The following TACR3 variants were observed in gnomAD, a reference collection of about 807,000 sequenced individuals.
TACR3 encodes neuromedin-K receptor.
In TACR3, 34 loss-of-function variants were observed where a neutral mutation model predicts 35.0. That is an observed-to-expected ratio of 0.97 (90% CI 0.74 to 1.30). The LOEUF is 1.30. Among genes scored for constraint, TACR3 ranks in the 50% most tolerant of loss-of-function variants. The pLI is 0.00. For missense variants in TACR3, 558 were observed against 591.7 expected (o/e 0.94, Z 0.59); for synonymous variants, 233 against 221.1 (o/e 1.05, Z -0.48).
intron 3 of TACR3, among the ~76,000 whole-genome samples, chr4:103,653,724 G>T (rs1578244482): frequency 1.3e-5 from 2 of 151,912 alleles, no homozygotes. Context: ...AAGAGCTTCT[G>T]CACAGCAAAA....
chr4:103,695,784 G>T (rs2110219641), intron 1 of TACR3, among the ~76,000 whole-genome samples: 1 of 151,374 alleles, frequency 6.6e-6, no homozygotes, highest in South Asian at 2.1e-4. Flanking sequence ...TATATTTGCA[G>T]ATAAATATTG....
At chr4:103,691,421 G>C (rs1722399157) in intron 1 of TACR3, among the ~76,000 whole-genome samples, 2 of 152,166 alleles carry the variant, frequency 1.3e-5, no homozygotes, top group African/African-American at 4.8e-5. Context: ...GTAGCAGGTA[G>C]ATCAGTTATT....
chr4:103,706,117 A>G lies in TACR3; in HGVS notation c.548+13011T>C, dbSNP rs180852551. 1.3e-3 allele frequency among the ~76,000 whole-genome samples: 194 copies of G among 152,232 alleles called. 1 individual carries two copies. Among genetic ancestry groups the G allele is most frequent in the Admixed American group, 0.011 (172 of 15,278 alleles). On this transcript the variant is annotated intron_variant, in intron 1 of 4. Transcript: ENST00000304883. ...GCAGAAAAAATGTAATAGATTTGTGAGTTATTTGAACAACTGGATGAATGC... is the reference window on the plus strand; with the variant it reads ...GCAGAAAAAATGTAATAGATTTGTGGGTTATTTGAACAACTGGATGAATGC...
At position 103,586,587 on chromosome 4, in the gene TACR3, T is replaced by C. The variant is rs1361806205; in HGVS notation, c.*3095A>G. 6.6e-6 allele frequency: 1 copy of C among 152,088 alleles called. No homozygotes were observed. The highest frequency in any genetic ancestry group is 2.4e-5 in the African/African-American group (1 of 41,446). 9.4% of individuals were successfully genotyped at this position (152,088 alleles called of 1,614,324 possible). ...ATAGGCTTGATACCAAGCTTCTTGG[T>C]ATTCTTTATGTGCTTTGTAAGGGCG... On this transcript the variant is annotated 3_prime_UTR_variant, in exon 5 of 5. Coordinates refer to ENST00000304883, the MANE Select transcript of TACR3 (RefSeq NM_001059.3).
intron 1 of TACR3, among the ~76,000 whole-genome samples, chr4:103,663,360 G>A (rs1725873035): frequency 6.6e-6 from 1 of 152,132 alleles, no homozygotes; most frequent in African/African-American, 2.4e-5. Context: ...CTGGTGTGGT[G>A]GCACAGGCCT....
intron 1 of TACR3, among the ~76,000 whole-genome samples, chr4:103,672,286 C>T (rs1726074762): frequency 6.6e-6 from 1 of 152,106 alleles, no homozygotes; most frequent in African/African-American, 2.4e-5. Flanking sequence ...CCAGAAGATT[C>T]TCAATTTACT....
chr4:103,719,400 A>T lies in TACR3; in HGVS notation c.276T>A (p.Tyr92Ter). The T allele has an allele frequency of 6.2e-7, 1 of 1,614,212 alleles. No individual in the cohort carries two copies. Among genetic ancestry groups the T allele is most frequent in the East Asian group, 2.2e-5 (1 of 44,876 alleles). ...AAACTGCCACTGCCACCACCACACC[A>T]TACGCCAGGGACCAGAGCGCGATGC... Reference protein sequence around the residue: ...SWRIALWSLAYGVVVAVAVLG... With the variant: ...SWRIALWSLA The change falls in exon 1 of 5, where the codon TAT (tyrosine) becomes TAA (stop). Residue 92 changes from tyrosine to a stop codon, truncating the protein, a stop_gained. Transcript: ENST00000304883. LOFTEE classifies it high-confidence loss of function.
chr4:103,708,290 A>G (rs1422334074), intron 1 of TACR3, among the ~76,000 whole-genome samples: 1 of 151,724 alleles, frequency 6.6e-6, no homozygotes, highest in Non-Finnish European at 1.5e-5. Context: ...GCCAGGTACC[A>G]CTCTGAGATG....
At chr4:103,718,948 GA>G (rs764086643) in intron 1 of TACR3, among the ~76,000 whole-genome samples, 179 bp downstream of exon 1, 2 of 152,142 alleles carry the variant, frequency 1.3e-5, no homozygotes, top group Non-Finnish European at 2.9e-5. Context: ...CACGGAAGCA[GA>G]AACTTGTTCA....
intron 3 of TACR3, among the ~76,000 whole-genome samples, chr4:103,600,835 T>C (rs548520660): frequency 1.6e-4 from 25 of 152,332 alleles, no homozygotes; most frequent in African/African-American, 5.8e-4. Flanking sequence ...CAGTTTGTTA[T>C]AATTTCTGTT....
At chr4:103,675,165 A>G (rs1049664000) in intron 1 of TACR3, among the ~76,000 whole-genome samples, 4 of 152,032 alleles carry the variant, frequency 2.6e-5, no homozygotes, top group African/African-American at 9.7e-5. Context: ...TTCTGACATC[A>G]CCAAATCTGT....
At chr4:103,715,343 T>C (rs556149289) in intron 1 of TACR3, among the ~76,000 whole-genome samples, 1 of 152,246 alleles carries the variant, frequency 6.6e-6, no homozygotes, top group Non-Finnish European at 1.5e-5. Context: ...GTTGTTCAGA[T>C]GTGTGTAGCA....
Position 103,605,162 on chromosome 4 carries a change from A to C in TACR3, c.889-13479T>G, listed in dbSNP as rs376328697. On this transcript the variant is annotated intron_variant, in intron 3 of 4. Coordinates refer to ENST00000304883, the MANE Select transcript of TACR3 (RefSeq NM_001059.3). ...TCCCTACAAAGGACATGAACTCATCATTTTTTATGGCTGCATAGTATTCCA... is the reference window on the plus strand; with the variant it reads ...TCCCTACAAAGGACATGAACTCATCCTTTTTTATGGCTGCATAGTATTCCA... Among the ~76,000 whole-genome samples, 412 of 148,802 alleles carry C rather than the reference A, an allele frequency of 2.8e-3. 1 individual carries two copies. Among genetic ancestry groups the C allele is most frequent in the African/African-American group, 9.1e-3 (366 of 40,328 alleles).
At chr4:103,616,981 C>A (rs1206177547) in intron 3 of TACR3, among the ~76,000 whole-genome samples, 1 of 152,002 alleles carries the variant, frequency 6.6e-6, no homozygotes, top group Non-Finnish European at 1.5e-5. Context: ...ATTAAAAAAC[C>A]CAGACCTCCA....
At chr4:103,701,504 C>G (rs1722648109) in intron 1 of TACR3, among the ~76,000 whole-genome samples, 1 of 152,160 alleles carries the variant, frequency 6.6e-6, no homozygotes, top group Non-Finnish European at 1.5e-5. Context: ...AATGCCATCC[C>G]CATCAAGCTA....
At chr4:103,703,772 A>C (rs973008205) in intron 1 of TACR3, among the ~76,000 whole-genome samples, 2 of 152,074 alleles carry the variant, frequency 1.3e-5, no homozygotes, top group African/African-American at 4.8e-5. Context: ...AGAGAACTGC[A>C]AGTAGAAGAT....
chr4:103,627,065 C>G (rs562715286), intron 3 of TACR3, among the ~76,000 whole-genome samples: 32 of 150,202 alleles, frequency 2.1e-4, no homozygotes, highest in Middle Eastern at 3.5e-3. Context: ...ACCTGTAGTC[C>G]CAGCTCCTTG....
intron 1 of TACR3, among the ~76,000 whole-genome samples, chr4:103,701,818 C>A (rs1014966170): frequency 2.9e-4 from 44 of 152,018 alleles, no homozygotes; most frequent in Non-Finnish European, 4.7e-4. Flanking sequence ...CCTATTTAAT[C>A]AATGGTGCTG....
chr4:103,710,854 C>T (rs1276332792), intron 1 of TACR3, among the ~76,000 whole-genome samples: 1 of 152,144 alleles, frequency 6.6e-6, no homozygotes, highest in Non-Finnish European at 1.5e-5. Context: ...TCAGAGAACA[C>T]TATAAACACT....
Sources: gnomAD v4.1 joint callset for allele counts (sites outside exome capture counted in the v4.1 genomes callset) on GRCh38, gnomAD v4.1.1 for gene constraint, MANE v1.5 for transcripts, NCBI Gene and HGNC (gene_info 2026-07-23, HGNC 2026-07-21) for gene names.